Variants in MESD observed in about 807,000 individuals in gnomAD.
The protein encoded by MESD is mesoderm development LRP chaperone, also known as LRP chaperone MESD.
In MESD, 7 loss-of-function variants were observed where a neutral mutation model predicts 12.9. The ratio of observed to expected loss-of-function variants is 0.54; its 90% CI spans 0.31 to 1.02. The LOEUF is 1.02. Among genes scored for constraint, MESD ranks in the 50% least tolerant of loss-of-function variants. MESD has a pLI of 0.05. For missense variants in MESD, 342 were observed against 296.7 expected (o/e 1.15, Z -1.12); for synonymous variants, 126 against 115.6 (o/e 1.09, Z -0.58).
chr15:80,973,612 A>G (rs11856549), downstream of MESD, among the ~76,000 whole-genome samples: 42,965 of 152,078 alleles, frequency 0.28, 7,710 homozygotes, highest in African/African-American at 0.51. Context: ...TTCTAAGCAC[A>G]AGGACATAAA....
At chr15:80,957,875 A>AC (rs1341716471) in intron 3 of MESD, among the ~76,000 whole-genome samples, 16 of 85,302 alleles carry the variant, frequency 1.9e-4, no homozygotes, top group Non-Finnish European at 2.7e-4. Flanking sequence ...AGCGCCACCC[A>AC]CCCCCCCACC....
chr15:80,962,076 G>C (rs1333964178), intron 3 of MESD, among the ~76,000 whole-genome samples: 1 of 152,214 alleles, frequency 6.6e-6, no homozygotes, highest in Non-Finnish European at 1.5e-5. Context: ...ACCCATCAGT[G>C]TGCTGTATTC....
chr15:80,947,252 A>T, downstream of MESD: 1 of 559,468 alleles, frequency 1.8e-6, no homozygotes, highest in Non-Finnish European at 3.2e-6. Flanking sequence ...CCTGTTTACC[A>T]CCCCTGCACT....
In MESD at chr15:80,948,466, G is replaced by A. The variant is rs959015991; in HGVS notation, c.*1059C>T. Reference sequence around the variant, plus strand: ...GGGCAGGGACTTGCTGGTTGTCCTAGGGGCAGCTCAAAGGTAGGCAGGTTC... The same window carrying A: ...GGGCAGGGACTTGCTGGTTGTCCTAAGGGCAGCTCAAAGGTAGGCAGGTTC... On this transcript the variant is annotated 3_prime_UTR_variant, in exon 5 of 5. Coordinates refer to the MESD transcript ENST00000561312. 2.1e-5 allele frequency: 8 copies of A among 388,636 alleles called. No individual in the cohort carries two copies. In the East Asian group the frequency reaches 4.8e-4, roughly 23 times the overall value. 24.1% of individuals were successfully genotyped at this position (388,636 alleles called of 1,614,324 possible).
intron 4 of MESD, chr15:80,950,515 C>G (rs1444175324): frequency 6.6e-6 from 1 of 152,334 alleles, no homozygotes. Flanking sequence ...TCACTTTGTT[C>G]ACTACCTGTC....
At chr15:80,988,679 G>A (rs948793102) in intron 1 of MESD, among the ~76,000 whole-genome samples, 2 of 152,190 alleles carry the variant, frequency 1.3e-5, no homozygotes, top group South Asian at 2.1e-4. Context: ...AACACACACA[G>A]AGATAATCAC....
chr15:80,983,537 G>A (rs1383739168), intron 1 of MESD, among the ~76,000 whole-genome samples: 1 of 152,154 alleles, frequency 6.6e-6, no homozygotes, highest in African/African-American at 2.4e-5. Context: ...GTATTAGGCT[G>A]GAATTGAAGG....
At chr15:80,981,881 T>TTAA (rs1041232527) in intron 2 of MESD, 69 bp downstream of exon 2, 6 of 1,087,600 alleles carry the variant, frequency 5.5e-6, no homozygotes, top group African/African-American at 1.6e-5. Flanking sequence ...ATCATCATAA[T>TTAA]TAATAATAAT....
exon 5 of MESD, chr15:80,948,582 A>G (rs1596217180): frequency 2.2e-5 from 14 of 629,276 alleles, no homozygotes; most frequent in South Asian, 1.9e-4. Flanking sequence ...CCTAGGTGGC[A>G]GTGAGGCTCA....
downstream of MESD, among the ~76,000 whole-genome samples, chr15:80,973,036 CA>C (rs369005363): frequency 4.6e-5 from 7 of 151,102 alleles, no homozygotes; most frequent in East Asian, 7.8e-4. Flanking sequence ...AACAAACAAA[CA>C]AAAAAAACAA....
intron 1 of MESD, 130 bp downstream of exon 1, chr15:80,989,449 A>T (rs1893233184): frequency 6.3e-6 from 7 of 1,113,806 alleles, no homozygotes; most frequent in Non-Finnish European, 8.9e-6. Context: ...TCAGTGGGTC[A>T]GTAAGGATTC....
In MESD at chr15:80,989,455, G is replaced by T; in HGVS notation, c.213+124C>A. On this transcript the variant is annotated intron_variant, in intron 1 of 2. Transcript: ENST00000261758. Reference sequence around the variant, plus strand: ...ACAGTGGCTTCAGTGGGTCAGTAAGGATTCAAGGCATGAGTAGAGGAGGTT... The same window carrying T: ...ACAGTGGCTTCAGTGGGTCAGTAAGTATTCAAGGCATGAGTAGAGGAGGTT... 5 of 1,172,476 alleles carry T rather than the reference G, an allele frequency of 4.3e-6. No homozygotes were observed. In the South Asian group the frequency reaches 7.1e-5, roughly 17 times the overall value. 72.6% of individuals were successfully genotyped at this position (1,172,476 alleles called of 1,614,324 possible).
At chr15:80,956,259 T>A (rs1408042721) in intron 3 of MESD, among the ~76,000 whole-genome samples, 1 of 152,178 alleles carries the variant, frequency 6.6e-6, no homozygotes, top group Non-Finnish European at 1.5e-5. Flanking sequence ...ATGGATTTTA[T>A]ATAAGGCTGC....
intron 1 of MESD, among the ~76,000 whole-genome samples, chr15:80,988,667 G>C (rs975302310): frequency 6.6e-6 from 1 of 152,074 alleles, no homozygotes; most frequent in Non-Finnish European, 1.5e-5. Flanking sequence ...CCCTTCTCCC[G>C]TAACACACAC....
intron 3 of MESD, among the ~76,000 whole-genome samples, chr15:80,955,487 C>CAAAAAAAA (rs1169755665): frequency 4.4e-4 from 20 of 45,610 alleles, no homozygotes; most frequent in African/African-American, 5.4e-4. Context: ...GACTCCGTCT[C>CAAAAAAAA]AAAAAAAAAA....
downstream of MESD, among the ~76,000 whole-genome samples, chr15:80,972,678 T>C (rs771447016): frequency 2.6e-5 from 4 of 152,174 alleles, no homozygotes; most frequent in Admixed American, 6.5e-5. Flanking sequence ...AGGACGGGAA[T>C]ATTACACAGC....
intron 2 of MESD, among the ~76,000 whole-genome samples, chr15:80,980,094 T>G (rs1902534410): frequency 6.6e-6 from 1 of 152,174 alleles, no homozygotes; most frequent in African/African-American, 2.4e-5. Flanking sequence ...CGGGCAAGAT[T>G]CTTCTGTTCC....
At chr15:80,983,012 T>C (rs1902623604) in intron 1 of MESD, among the ~76,000 whole-genome samples, 1 of 151,998 alleles carries the variant, frequency 6.6e-6, no homozygotes, top group South Asian at 2.1e-4. Context: ...TAGGCTGAGG[T>C]GGGAGAATTG....
chr15:80,957,725 G>C (rs1332619899), intron 3 of MESD, among the ~76,000 whole-genome samples: 1 of 152,184 alleles, frequency 6.6e-6, no homozygotes, highest in East Asian at 1.9e-4. Context: ...TCTGAAGACT[G>C]GCAGGCTCTG....
Sources: gnomAD v4.1 joint callset for allele counts (sites outside exome capture counted in the v4.1 genomes callset) on GRCh38, gnomAD v4.1.1 for gene constraint, MANE v1.5 for transcripts, NCBI Gene and HGNC (gene_info 2026-07-23, HGNC 2026-07-21) for gene names.